Variants in RCAN2 observed in about 807,000 individuals in gnomAD.
RCAN2 encodes regulator of calcineurin 2.
A neutral mutation model predicts 23.6 loss-of-function variants in RCAN2; 9 were observed. That is an observed-to-expected ratio of 0.38 (90% CI 0.23 to 0.67). The LOEUF (loss-of-function observed/expected upper bound fraction) is 0.67, where lower values mean the gene tolerates loss of function less well. RCAN2 is among the 30% of genes least tolerant of loss of function. The pLI is 0.51. For synonymous variants in RCAN2, 109 were observed against 115.7 expected (o/e 0.94, Z 0.37); for missense variants, 273 against 302.3 (o/e 0.90, Z 0.72).
rs1179981459 is a variant in RCAN2, at chr6:46,382,904, T to C, written c.225+73848A>G. On this transcript the variant is annotated intron_variant, in intron 2 of 4. Coordinates refer to ENST00000371374, the MANE Select transcript of RCAN2 (RefSeq NM_001251974.2). Reference sequence around the variant, plus strand: ...CTTGAATTGCTCACCTACCGATAGTTACAGGCACAGAAATGGAAGACTCAT... The same window carrying C: ...CTTGAATTGCTCACCTACCGATAGTCACAGGCACAGAAATGGAAGACTCAT... 2.2e-4 allele frequency among the ~76,000 whole-genome samples: 34 copies of C among 152,202 alleles called. 1 individual carries two copies. The highest frequency in any genetic ancestry group is 2.2e-3 in the Admixed American group (34 of 15,272).
At chr6:46,243,689 A>C (rs1766394976) in intron 4 of RCAN2, among the ~76,000 whole-genome samples, 1 of 151,798 alleles carries the variant, frequency 6.6e-6, no homozygotes, top group East Asian at 1.9e-4. Context: ...ATGCGCCTGT[A>C]GTCCCAGCTG....
At chr6:46,421,178 T>C (rs942637359) in intron 2 of RCAN2, among the ~76,000 whole-genome samples, 2 of 152,158 alleles carry the variant, frequency 1.3e-5, no homozygotes, top group African/African-American at 4.8e-5. Flanking sequence ...AGAATCAAAC[T>C]GATATCCAAA....
At chr6:46,433,388 A>G (rs1428263209) in intron 2 of RCAN2, among the ~76,000 whole-genome samples, 1 of 152,198 alleles carries the variant, frequency 6.6e-6, no homozygotes, top group Non-Finnish European at 1.5e-5. Context: ...AAACCTGTGA[A>G]TACATTACTT....
chr6:46,467,191 G>C (rs1370161042), intron 1 of RCAN2, among the ~76,000 whole-genome samples: 1 of 152,192 alleles, frequency 6.6e-6, no homozygotes. Context: ...AACTCTTGTA[G>C]CTACTAAACA....
At chr6:46,325,604 G>A in intron 2 of RCAN2, 1 of 1,449,666 alleles carries the variant, frequency 6.9e-7, no homozygotes, top group Non-Finnish European at 9.0e-7. Context: ...ACGGCTGGAG[G>A]CTCGGGCTCC....
intron 2 of RCAN2, among the ~76,000 whole-genome samples, chr6:46,435,987 T>C (rs1385658207): frequency 6.6e-6 from 1 of 152,224 alleles, no homozygotes; most frequent in Non-Finnish European, 1.5e-5. Context: ...GTGTAGCTGT[T>C]CAAGACTCTG....
At chr6:46,291,505 C>G (rs1347514851) in intron 2 of RCAN2, among the ~76,000 whole-genome samples, 1 of 151,978 alleles carries the variant, frequency 6.6e-6, no homozygotes, top group African/African-American at 2.4e-5. Flanking sequence ...GGATTTCCCC[C>G]TCCAGGCACT....
intron 2 of RCAN2, among the ~76,000 whole-genome samples, chr6:46,311,595 C>T (rs1288867914): frequency 2.0e-5 from 3 of 152,154 alleles, no homozygotes; most frequent in Admixed American, 1.3e-4. Context: ...CCTACCGGGC[C>T]GTAATCTCTC....
chr6:46,405,323 G>A (rs545116043), intron 2 of RCAN2, among the ~76,000 whole-genome samples: 3 of 152,138 alleles, frequency 2.0e-5, no homozygotes, highest in African/African-American at 7.2e-5. Context: ...AAAGAACAAA[G>A]CTTCCACAGG....
chr6:46,394,438 A>G (rs1199514710), intron 2 of RCAN2, among the ~76,000 whole-genome samples: 2 of 152,220 alleles, frequency 1.3e-5, no homozygotes, highest in Non-Finnish European at 2.9e-5. Flanking sequence ...TGGGCATGCT[A>G]GAGAAATAAA....
At chr6:46,365,047 C>G (rs147338599) in intron 2 of RCAN2, among the ~76,000 whole-genome samples, 1 of 152,146 alleles carries the variant, frequency 6.6e-6, no homozygotes, top group Non-Finnish European at 1.5e-5. Context: ...AAAACTGCAG[C>G]CCTAATCGCA....
intron 2 of RCAN2, among the ~76,000 whole-genome samples, chr6:46,370,972 A>G (rs1031634421): frequency 3.9e-5 from 6 of 152,154 alleles, no homozygotes; most frequent in African/African-American, 1.4e-4. Flanking sequence ...TTTAACTCAG[A>G]GCTTTTAACC....
intron 2 of RCAN2, among the ~76,000 whole-genome samples, chr6:46,421,926 G>T (rs937319216): frequency 2.0e-5 from 3 of 152,170 alleles, no homozygotes; most frequent in Non-Finnish European, 4.4e-5. Context: ...AAAGGAGATA[G>T]AAAACTGTTA....
intron 2 of RCAN2, among the ~76,000 whole-genome samples, chr6:46,429,643 T>C (rs572772093): frequency 6.6e-6 from 1 of 152,164 alleles, no homozygotes; most frequent in Non-Finnish European, 1.5e-5. Flanking sequence ...ACAAATTATA[T>C]GCCAGGCACT....
At chr6:46,266,258 A>G (rs1026418012) in intron 2 of RCAN2, among the ~76,000 whole-genome samples, 1 of 152,164 alleles carries the variant, frequency 6.6e-6, no homozygotes, top group Non-Finnish European at 1.5e-5. Context: ...AATTACCAGT[A>G]CTGTTCTTGG....
chr6:46,471,717 G>A (rs974778895), intron 1 of RCAN2, among the ~76,000 whole-genome samples: 3 of 152,170 alleles, frequency 2.0e-5, no homozygotes, highest in Non-Finnish European at 4.4e-5. Flanking sequence ...GAATGAGTGA[G>A]TTTAGTGAGA....
At chr6:46,302,561 G>T (rs1762935379) in intron 2 of RCAN2, among the ~76,000 whole-genome samples, 1 of 151,986 alleles carries the variant, frequency 6.6e-6, no homozygotes, top group South Asian at 2.1e-4. Context: ...AGTTTCTATT[G>T]TTTGCCACTC....
At chr6:46,455,929 G>A (rs1299300592) in intron 2 of RCAN2, among the ~76,000 whole-genome samples, 3 of 150,406 alleles carry the variant, frequency 2.0e-5, no homozygotes, top group African/African-American at 7.3e-5. Flanking sequence ...AAAAAATTTT[G>A]TCCATGTTTC....
At chr6:46,464,946 G>A (rs1469520509) in intron 1 of RCAN2, among the ~76,000 whole-genome samples, 1 of 149,780 alleles carries the variant, frequency 6.7e-6, no homozygotes, top group Non-Finnish European at 1.5e-5. Flanking sequence ...TTTCCATCAT[G>A]TCCTTTTGCA....
Sources: gnomAD v4.1 joint callset for allele counts (sites outside exome capture counted in the v4.1 genomes callset) on GRCh38, gnomAD v4.1.1 for gene constraint, MANE v1.5 for transcripts, NCBI Gene and HGNC (gene_info 2026-07-23, HGNC 2026-07-21) for gene names.